DMD: variants seen among roughly 807,000 people sequenced by gnomAD.
The protein encoded by DMD is mutant dystrophin.
DMD carries 63 observed loss-of-function variants against 330.1 expected under a neutral mutation model. The observed-to-expected ratio is 0.19, with a 90% CI of 0.16 to 0.24. DMD has a LOEUF of 0.24. DMD is among the 10% of genes least tolerant of loss of function. The pLI is 1.00. For missense variants in DMD, 3,344 were observed against 2,684.1 expected (o/e 1.25, Z -5.43); for synonymous variants, 1,223 against 959.8 (o/e 1.27, Z -5.07).
At chrX:33,035,648 A>G (rs1440359512) in intron 1 of DMD, among the ~76,000 whole-genome samples, 1 of 111,893 alleles carries the variant, frequency 8.9e-6, no homozygotes, top group Non-Finnish European at 1.9e-5. Flanking sequence ...CCTTAATCGG[A>G]CACATATTTT....
intron 60 of DMD, among the ~76,000 whole-genome samples, chrX:31,411,438 T>A (rs570472406): frequency 8.9e-6 from 1 of 111,934 alleles, no homozygotes; most frequent in Non-Finnish European, 1.9e-5. Flanking sequence ...AAAAAAGTGT[T>A]CCTTTAAGAA....
Position 32,920,462 on chromosome X carries a change from G to A in DMD, c.94-70642C>T, listed in dbSNP as rs138474080. 4.6e-3 allele frequency among the ~76,000 whole-genome samples: 502 copies of A among 110,155 alleles called. 1 individual carries two copies. Among genetic ancestry groups the A allele is most frequent in the African/African-American group, 0.016 (475 of 30,087 alleles). On this transcript the variant is annotated intron_variant, in intron 2 of 78. Transcript: ENST00000357033. ...GTAAAAAGCCTAGGCTCCTTGGAGA[G>A]TCTACATTCTCCTCCCTCCCATCTC...
At chrX:33,281,319 A>G (rs754517967) in intron 1 of DMD, among the ~76,000 whole-genome samples, 1 of 107,572 alleles carries the variant, frequency 9.3e-6, no homozygotes, top group Non-Finnish European at 1.9e-5. Context: ...AGAGACCCTC[A>G]TGCCTCAGCC....
At chrX:32,756,467 G>A (rs2071519937) in intron 7 of DMD, 1 of 111,888 alleles carries the variant, frequency 8.9e-6, no homozygotes, top group South Asian at 3.7e-4. Context: ...TTCAGAGAGT[G>A]TAAGAGAACA....
At chrX:31,595,153 T>G (rs777394489) in intron 55 of DMD, among the ~76,000 whole-genome samples, 1 of 111,691 alleles carries the variant, frequency 9.0e-6, no homozygotes, top group East Asian at 2.8e-4. Flanking sequence ...TTTGAAAATA[T>G]TAAGAATTTG....
intron 44 of DMD, among the ~76,000 whole-genome samples, chrX:32,051,354 C>A (rs12391069): frequency 0.47 from 51,388 of 108,705 alleles, 9,448 homozygotes; most frequent in African/African-American, 0.64. Context: ...TTGGTAACTT[C>A]ATTTTTAATT....
chrX:32,010,842 ACTGT>A (rs2095702699), intron 44 of DMD, among the ~76,000 whole-genome samples: 1 of 112,008 alleles, frequency 8.9e-6, no homozygotes, highest in Non-Finnish European at 1.9e-5. Flanking sequence ...AAGTACAGGG[ACTGT>A]CTTATTCCTA....
chrX:32,160,344 G>A (rs925834887), intron 44 of DMD, among the ~76,000 whole-genome samples: 9 of 109,576 alleles, frequency 8.2e-5, no homozygotes, highest in East Asian at 2.9e-4. Context: ...AGTGATTCTC[G>A]TGCCTCAGGC....
intron 9 of DMD, among the ~76,000 whole-genome samples, chrX:32,694,139 C>T (rs2063479299): frequency 9.0e-6 from 1 of 111,695 alleles, no homozygotes; most frequent in African/African-American, 3.3e-5. Context: ...TCTATCTTCT[C>T]CTTTTTCTCT....
At chrX:32,458,064 CTTATGAA>C (rs2098367988) in intron 25 of DMD, among the ~76,000 whole-genome samples, 1 of 110,614 alleles carries the variant, frequency 9.0e-6, no homozygotes. Context: ...TTATTATATA[CTTATGAA>C]TTATGTATTA....
intron 47 of DMD, among the ~76,000 whole-genome samples, chrX:31,924,808 G>A (rs887893448): frequency 8.9e-6 from 1 of 111,740 alleles, no homozygotes; most frequent in Non-Finnish European, 1.9e-5. Context: ...TGTCTGGGCA[G>A]TAACAAATTC....
chrX:31,549,796 C>T (rs1243593733), intron 55 of DMD, among the ~76,000 whole-genome samples: 1 of 112,244 alleles, frequency 8.9e-6, no homozygotes, highest in African/African-American at 3.2e-5. Context: ...TGACTTACAG[C>T]ATAAGTTATT....
At chrX:32,257,637 C>A (rs1323371367) in intron 43 of DMD, among the ~76,000 whole-genome samples, 1 of 111,376 alleles carries the variant, frequency 9.0e-6, no homozygotes, top group Non-Finnish European at 1.9e-5. Context: ...AAACTGGACC[C>A]CTTCCTTACC....
chrX:32,988,939 A>G (rs916385696), intron 2 of DMD, among the ~76,000 whole-genome samples: 2 of 111,967 alleles, frequency 1.8e-5, no homozygotes, highest in Non-Finnish European at 3.8e-5. Flanking sequence ...AAAAAAATAC[A>G]TAAGATATTA....
intron 34 of DMD, among the ~76,000 whole-genome samples, chrX:32,369,960 T>A (rs2097867842): frequency 9.0e-6 from 1 of 111,332 alleles, no homozygotes; most frequent in Non-Finnish European, 1.9e-5. Context: ...AAAGGCTAAC[T>A]AAAGCATCCA....
At chrX:31,567,458 A>T (rs1335609578) in intron 55 of DMD, among the ~76,000 whole-genome samples, 2 of 111,455 alleles carry the variant, frequency 1.8e-5, no homozygotes, top group Non-Finnish European at 3.8e-5. Context: ...CTTCTGCATC[A>T]ATCAATATAA....
At chrX:31,184,025 C>G (rs1181345222) in intron 67 of DMD, among the ~76,000 whole-genome samples, 1 of 110,025 alleles carries the variant, frequency 9.1e-6, no homozygotes, top group Non-Finnish European at 1.9e-5. Flanking sequence ...TCTCATGCCT[C>G]AGCCTCCCAA....
chrX:32,501,635 A>G, intron 19 of DMD, 120 bp downstream of exon 19: 1 of 549,688 alleles, frequency 1.8e-6, no homozygotes, highest in Non-Finnish European at 3.1e-6. Context: ...ACATACAAAC[A>G]CCTTTTAATT....
chrX:32,044,633 A>G (rs747199664), intron 44 of DMD, among the ~76,000 whole-genome samples: 151 of 109,931 alleles, frequency 1.4e-3, no homozygotes, highest in African/African-American at 4.8e-3. Flanking sequence ...TGTGTTAGCC[A>G]GGATGGTCTC....
Sources: allele counts gnomAD v4.1 joint callset (sites outside exome capture counted in the v4.1 genomes callset), GRCh38; gene constraint gnomAD v4.1.1; transcripts MANE v1.5; gene names NCBI Gene and HGNC (gene_info 2026-07-23, HGNC 2026-07-21).